Variants in ZNF48 observed in about 807,000 individuals in gnomAD.
ZNF48 encodes zinc finger protein 553.
A neutral mutation model predicts 40.0 loss-of-function variants in ZNF48; 20 were observed. The observed-to-expected ratio is 0.50, with a 90% CI of 0.35 to 0.73. The LOEUF is 0.73. Ranked by LOEUF, ZNF48 falls within the 30% of genes least tolerant of loss-of-function variation. The pLI is 0.01. For missense variants in ZNF48, 726 were observed against 851.9 expected (o/e 0.85, Z 1.84); for synonymous variants, 298 against 329.7 (o/e 0.90, Z 1.04).
chr16:30,386,767 T>TG (rs1364490617), intron 1 of ZNF48, among the ~76,000 whole-genome samples: 18 of 151,478 alleles, frequency 1.2e-4, no homozygotes, highest in African/African-American at 4.1e-4. Context: ...CGGGTTCAAG[T>TG]GATTTTCCTG....
intron 2 of ZNF48, among the ~76,000 whole-genome samples, chr16:30,396,424 C>T (rs543385890): frequency 6.6e-6 from 1 of 152,214 alleles, no homozygotes; most frequent in South Asian, 2.1e-4. Flanking sequence ...CATAGTTATT[C>T]TAGTTATTCT....
intron 1 of ZNF48, among the ~76,000 whole-genome samples, chr16:30,385,141 C>T (rs1597011924): frequency 1.3e-5 from 2 of 150,900 alleles, no homozygotes; most frequent in African/African-American, 4.9e-5. Context: ...TGCCATTGCA[C>T]TCCAATCTGG....
At position 30,398,648 on chromosome 16, in the gene ZNF48, G is replaced by A. The variant is rs750989994; in HGVS notation, c.1398G>A (p.Leu466=). ...CGKGFRRSSD[L]VKHHRVHTGE... ...AGGGCTTCCGCCGAAGCTCTGACCT[G>A]GTGAAACACCATCGTGTGCACACAG... Residue 466 remains leucine (L), a synonymous_variant, in exon 3 of 3, where the codon CTG becomes CTA. Transcript: ENST00000613509. The surrounding 1 kb of genome is among the most constrained non-coding windows in gnomAD (Gnocchi z 6.6). 2.5e-6 allele frequency: 4 copies of A among 1,612,884 alleles called. No homozygotes were observed. The South Asian group carries it at 4.4e-5, about 18-fold the overall frequency.
At chr16:30,386,698 C>T (rs1298097911) in intron 1 of ZNF48, among the ~76,000 whole-genome samples, 1 of 151,868 alleles carries the variant, frequency 6.6e-6, no homozygotes, top group Non-Finnish European at 1.5e-5. Context: ...TAGTTTCGCT[C>T]TTGTTGTCCA....
intron 1 of ZNF48, chr16:30,378,894 G>A: frequency 1.1e-6 from 1 of 926,958 alleles, no homozygotes; most frequent in South Asian, 1.5e-5. Flanking sequence ...GAGGGAGGGA[G>A]GGAGGGAGAG....
chr16:30,387,678 C>T (rs1050409981), intron 1 of ZNF48, among the ~76,000 whole-genome samples: 1 of 150,760 alleles, frequency 6.6e-6, no homozygotes, highest in Non-Finnish European at 1.5e-5. Flanking sequence ...CCTGCCTCAG[C>T]CTCCCGACTA....
At chr16:30,395,357 A>C (rs1169200445), upstream of ZNF48, 2 of 451,494 alleles carry the variant, frequency 4.4e-6, no homozygotes, top group African/African-American at 2.0e-5. The surrounding 1 kb of genome is among the most constrained non-coding windows in gnomAD (Gnocchi z 5.9). Flanking sequence ...CGACCCCCAC[A>C]GGCCCGCAGC....
rs766873812 is a variant in ZNF48, at chr16:30,398,547, CCTGGGGGCCCACAGG to C, written c.1304_1318del (p.Gly435_Gly439del). ...TGGCCTGCCTGGCTTGGAGCCAGAG[CCTGGGGGCCCACAGG>C]CTGGGGAGCCACCCCCACCACTGGC... On this transcript the variant is annotated inframe_deletion, in exon 3 of 3. Transcript: ENST00000613509. This position sits in a 1 kb window ranked among gnomAD's most constrained non-coding sequence, Gnocchi z 6.6. 3.7e-6 allele frequency: 6 copies of C among 1,608,962 alleles called. No individual in the cohort carries two copies. In the African/African-American group the frequency reaches 6.7e-5, roughly 18 times the overall value.
chr16:30,386,278 C>A (rs573199117), intron 1 of ZNF48, among the ~76,000 whole-genome samples: 5 of 151,200 alleles, frequency 3.3e-5, no homozygotes, highest in African/African-American at 4.9e-5. Flanking sequence ...GACCCTGTCT[C>A]AAAAAAAATA....
upstream of ZNF48, among the ~76,000 whole-genome samples, chr16:30,394,027 T>C (rs2049960782): frequency 6.6e-6 from 1 of 150,590 alleles, no homozygotes; most frequent in African/African-American, 2.4e-5. Context: ...CCATTCTCTC[T>C]CTCTTTTTTT....
chr16:30,380,004 G>A (rs752517719), intron 1 of ZNF48: 7 of 1,612,632 alleles, frequency 4.3e-6, no homozygotes, highest in Non-Finnish European at 8.5e-7. Context: ...GGTAGATGTG[G>A]ATCTCCTCTT....
intron 2 of ZNF48, 147 bp downstream of exon 2, chr16:30,396,020 C>A: frequency 2.4e-6 from 2 of 830,612 alleles, no homozygotes; most frequent in Non-Finnish European, 3.4e-6. Context: ...GGAGCACCAA[C>A]TGTGCGCCAG....
chr16:30,379,051 G>T, intron 1 of ZNF48: 1 of 1,613,796 alleles, frequency 6.2e-7, no homozygotes. Flanking sequence ...CCCAGGCCGG[G>T]CCAGGCTCTG....
At chr16:30,395,018 GCGCCC>G (rs1266026952), upstream of ZNF48, 2 of 218,588 alleles carry the variant, frequency 9.1e-6, no homozygotes, top group South Asian at 4.3e-5. The surrounding 1 kb of genome is among the most constrained non-coding windows in gnomAD (Gnocchi z 5.9). Context: ...CCACGTCTCG[GCGCCC>G]CGCCCCGCCC....
chr16:30,398,627 C>T lies in ZNF48; in HGVS notation c.1377C>T (p.Gly459=). The change falls in exon 3 of 3, where the codon GGC becomes GGT. Residue 459 remains glycine (G), a synonymous_variant. Coordinates refer to ENST00000613509, the MANE Select transcript of ZNF48 (RefSeq NM_001214909.2). The surrounding 1 kb of genome is among the most constrained non-coding windows in gnomAD (Gnocchi z 6.6). ...KPHKCPECGK[G]FRRSSDLVKH... is the part of the protein sequence containing the mutation. ...ACAAGTGCCCTGAGTGTGGCAAGGG[C>T]TTCCGCCGAAGCTCTGACCTGGTGA... is the stretch of plus-strand genomic sequence containing the variant. 6.2e-7 allele frequency: 1 copy of T among 1,612,622 alleles called. No individual in the cohort carries two copies.
intron 1 of ZNF48, among the ~76,000 whole-genome samples, chr16:30,387,222 C>T (rs1041996629): frequency 3.5e-5 from 5 of 144,150 alleles, no homozygotes; most frequent in Admixed American, 2.1e-4. Flanking sequence ...GGATTACAGG[C>T]GTGAGCCACC....
chr16:30,390,128 G>A (rs1597015276), intron 1 of ZNF48, among the ~76,000 whole-genome samples: 1 of 151,960 alleles, frequency 6.6e-6, no homozygotes, highest in African/African-American at 2.4e-5. Context: ...GCCCGTATTA[G>A]TTCTTCTTCA....
At chr16:30,378,989 G>T (rs1266355407) in intron 1 of ZNF48, 2 of 1,600,132 alleles carry the variant, frequency 1.2e-6, no homozygotes, top group African/African-American at 1.3e-5. Flanking sequence ...GACCTTGGAG[G>T]CTCTGATACT....
Position 30,397,779 on chromosome 16 carries a change from C to T in ZNF48, c.529C>T (p.Pro177Ser), listed in dbSNP as rs752139917. The part of the protein sequence containing the change: ...PYRARPPAQG[P>S]PKIPRSRIPA... ...TAGAGCCCGGCCACCAGCCCAGGGTCCCCCAAAGATTCCTCGGTCCCGGAT... is the reference window on the plus strand; with the variant it reads ...TAGAGCCCGGCCACCAGCCCAGGGTTCCCCAAAGATTCCTCGGTCCCGGAT... Residue 177 changes from proline to serine, a missense_variant, in exon 3 of 3, where the codon CCC (proline) becomes TCC (serine). Pro to Ser is a moderately conservative substitution (Grantham distance 74). This residue lies in a region of ZNF48 where 378 missense variants were observed against 449.1 expected (regional missense o/e 0.84). Transcript: ENST00000613509. This position sits in a 1 kb window ranked among gnomAD's most constrained non-coding sequence, Gnocchi z 4.1. 9.3e-6 allele frequency: 15 copies of T among 1,613,628 alleles called. No homozygotes were observed. The highest frequency in any genetic ancestry group is 1.6e-4 in the Middle Eastern group (1 of 6,084).
Sources: gnomAD v4.1 joint callset for allele counts (sites outside exome capture counted in the v4.1 genomes callset) on GRCh38, gnomAD v4.1.1 for gene constraint, gnomAD v4.1.1 regional missense constraint, Gnocchi (gnomAD v3.1) non-coding constraint, MANE v1.5 for transcripts, NCBI Gene and HGNC (gene_info 2026-07-23, HGNC 2026-07-21) for gene names.